Variants in TENM4 observed in about 807,000 individuals in gnomAD.
TENM4 encodes teneurin-4.
Under a neutral mutation model 243.3 loss-of-function variants are expected in TENM4, and 82 were observed. The observed-to-expected ratio is 0.34, with a 90% CI of 0.28 to 0.40. The LOEUF (loss-of-function observed/expected upper bound fraction) is 0.40, where lower values mean the gene tolerates loss of function less well. Ranked by LOEUF, TENM4 falls within the 10% of genes least tolerant of loss-of-function variation. TENM4 has a pLI of 1.00. For synonymous variants in TENM4, 1,412 were observed against 1,456.3 expected (o/e 0.97, Z 0.69); for missense variants, 3,138 against 3,673.3 (o/e 0.85, Z 3.77).
rs1855830098 is a variant in TENM4 at position 78,737,579 on chromosome 11, G to T, written c.2876+872C>A. Among the ~76,000 whole-genome samples the T allele has an allele frequency of 2.6e-5, 4 of 152,190 alleles. No individual in the cohort carries two copies. In the South Asian group the frequency reaches 8.3e-4, roughly 32 times the overall value. On this transcript the variant is annotated intron_variant, in intron 20 of 33. Transcript: ENST00000278550. Reference sequence around the variant, plus strand: ...AATCAACCTTATGGGCCCACGCTTAGCCAGATGGACTGCCACCACCTGGTT... The same window carrying T: ...AATCAACCTTATGGGCCCACGCTTATCCAGATGGACTGCCACCACCTGGTT...
intron 16 of TENM4, among the ~76,000 whole-genome samples, chr11:78,782,213 C>T (rs1591019498): frequency 6.6e-6 from 1 of 150,400 alleles, no homozygotes; most frequent in African/African-American, 2.5e-5. Flanking sequence ...AGTCCCAGCA[C>T]TTTGGGAGGC....
Position 78,669,394 on chromosome 11 carries a change from C to T in TENM4, c.6951G>A (p.Leu2317=). 1 of 1,613,512 alleles carries T rather than the reference C, an allele frequency of 6.2e-7. No individual in the cohort carries two copies. The highest frequency in any genetic ancestry group is 8.5e-7 in the Non-Finnish European group (1 of 1,179,664). Residue 2317 remains leucine, a synonymous_variant, in exon 32 of 34, where the codon CTG becomes CTA. Transcript: ENST00000278550. The surrounding 1 kb of genome is among the most constrained non-coding windows in gnomAD (Gnocchi z 6.4). ...GGTGGGTGACCTTGGTGGGGTTGGT[C>T]AGGTCTGCATAGAAGAACTGCAGGT... ...SHHLQFFYAD[L]TNPTKVTHLY... is the part of the protein sequence containing the mutation.
intron 17 of TENM4, among the ~76,000 whole-genome samples, chr11:78,772,353 G>A (rs1318034520): frequency 6.6e-6 from 1 of 152,008 alleles, no homozygotes; most frequent in African/African-American, 2.4e-5. Context: ...TAACAATCCT[G>A]CCAACCCCCT....
At chr11:79,177,861 T>A (rs748624903) in intron 3 of TENM4, among the ~76,000 whole-genome samples, 3 of 152,078 alleles carry the variant, frequency 2.0e-5, no homozygotes, top group Non-Finnish European at 2.9e-5. Flanking sequence ...CTGTGACAGA[T>A]GTGTAGAGCC....
At chr11:79,316,085 G>A (rs1291200701) in intron 1 of TENM4, among the ~76,000 whole-genome samples, 4 of 152,192 alleles carry the variant, frequency 2.6e-5, no homozygotes, top group East Asian at 3.9e-4. Flanking sequence ...TCTGAAAGGC[G>A]CTGCTTGTTT....
At chr11:78,977,414 C>T (rs1370418260) in intron 6 of TENM4, among the ~76,000 whole-genome samples, 2 of 152,212 alleles carry the variant, frequency 1.3e-5, no homozygotes, top group Non-Finnish European at 2.9e-5. Context: ...GTGGAACTTA[C>T]ACTATAAAAG....
chr11:78,674,641 G>A (rs1250002459), intron 30 of TENM4, among the ~76,000 whole-genome samples: 1 of 151,344 alleles, frequency 6.6e-6, no homozygotes, highest in African/African-American at 2.5e-5. Context: ...TGCCTCAGAG[G>A]CGCATGCAGG....
intron 4 of TENM4, among the ~76,000 whole-genome samples, chr11:79,132,345 CA>C (rs569082783): frequency 3.2e-4 from 16 of 49,954 alleles, no homozygotes; most frequent in South Asian, 1.7e-3. Context: ...GACTCCAACT[CA>C]AAAAAAAAAA....
rs1182041789 is a variant in TENM4 at position 78,775,542 on chromosome 11, T to A, written c.2392+3060A>T. ...GTTTCAGAGGGACTTTGAGTACCTG[T>A]GGGTGGAACAAGGTTTGCTTTCATC... On this transcript the variant is annotated intron_variant, in intron 17 of 33. Coordinates refer to ENST00000278550, the MANE Select transcript of TENM4 (RefSeq NM_001098816.3). 2.6e-5 allele frequency among the ~76,000 whole-genome samples: 4 copies of A among 152,228 alleles called. No homozygotes were observed. The East Asian group carries it at 7.7e-4, about 29-fold the overall frequency.
chr11:78,933,656 C>T (rs1271660789), intron 6 of TENM4, among the ~76,000 whole-genome samples: 1 of 152,148 alleles, frequency 6.6e-6, no homozygotes, highest in African/African-American at 2.4e-5. Flanking sequence ...CAGAAGCGTT[C>T]AGGAGGCCAA....
intron 6 of TENM4, among the ~76,000 whole-genome samples, chr11:79,040,807 AACT>A (rs1190349178): frequency 6.6e-6 from 1 of 152,106 alleles, no homozygotes; most frequent in Non-Finnish European, 1.5e-5. Context: ...TGTGGGTATA[AACT>A]ATAGGTGATC....
chr11:79,287,268 TG>T (rs1444068167), intron 2 of TENM4, among the ~76,000 whole-genome samples: 7 of 152,294 alleles, frequency 4.6e-5, no homozygotes, highest in East Asian at 1.9e-4. Flanking sequence ...TGAACATTCT[TG>T]GTTACATGCC....
At chr11:78,742,054 G>A (rs1855942969) in intron 19 of TENM4, among the ~76,000 whole-genome samples, 1 of 152,064 alleles carries the variant, frequency 6.6e-6, no homozygotes, top group African/African-American at 2.4e-5. Context: ...CTGACACAAT[G>A]AATCACCCCC....
rs776309270 is a variant in TENM4, at chr11:78,997,371, G to C, written c.493+67367C>G. Among the ~76,000 whole-genome samples, 21 of 152,300 alleles carry C rather than the reference G, an allele frequency of 1.4e-4. No homozygotes were observed. In the Middle Eastern group the frequency reaches 0.01, roughly 75 times the overall value. On this transcript the variant is annotated intron_variant, in intron 6 of 33. Coordinates refer to ENST00000278550, the MANE Select transcript of TENM4 (RefSeq NM_001098816.3). ...GGCACAGAAGATAATACTCTGATTT[G>C]AGGGTTTATGACTCTGAATCTTAAA...
intron 6 of TENM4, among the ~76,000 whole-genome samples, chr11:79,009,966 T>C (rs1457572717): frequency 6.6e-6 from 1 of 152,048 alleles, no homozygotes; most frequent in Non-Finnish European, 1.5e-5. Flanking sequence ...ATAAGTCTCA[T>C]GAGATCTGAC....
chr11:79,262,892 T>C (rs493077), intron 2 of TENM4, among the ~76,000 whole-genome samples: 76,516 of 152,074 alleles, frequency 0.5, 19,633 homozygotes, highest in Admixed American at 0.56. Context: ...ATAGAGGCAG[T>C]GCTTAATAAA....
chr11:79,040,972 G>T (rs932079177), intron 6 of TENM4, among the ~76,000 whole-genome samples: 1 of 152,102 alleles, frequency 6.6e-6, no homozygotes, highest in Admixed American at 6.5e-5. Context: ...CAGACCAAGG[G>T]TTAAGAAATG....
intron 1 of TENM4, among the ~76,000 whole-genome samples, chr11:79,421,682 G>A (rs1157034471): frequency 6.6e-6 from 1 of 150,524 alleles, no homozygotes; most frequent in Non-Finnish European, 1.5e-5. Flanking sequence ...AGGAAAATGT[G>A]TAATCTTCCC....
At position 78,985,544 on chromosome 11, in the gene TENM4, A is replaced by G. The variant is rs965844933; in HGVS notation, c.493+79194T>C. Among the ~76,000 whole-genome samples, 11 of 152,122 alleles carry G rather than the reference A, an allele frequency of 7.2e-5. No individual in the cohort carries two copies. The South Asian group carries it at 1.2e-3, about 17-fold the overall frequency. Reference sequence around the variant, plus strand: ...TATTACTGAGTTTGAGCATTTTTCTATGTTTACCAGATATTATAATATTTA... The same window carrying G: ...TATTACTGAGTTTGAGCATTTTTCTGTGTTTACCAGATATTATAATATTTA... On this transcript the variant is annotated intron_variant, in intron 6 of 33. Transcript: ENST00000278550.
Sources: gnomAD v4.1 joint callset for allele counts (sites outside exome capture counted in the v4.1 genomes callset) on GRCh38, gnomAD v4.1.1 for gene constraint, Gnocchi (gnomAD v3.1) non-coding constraint, MANE v1.5 for transcripts, NCBI Gene and HGNC (gene_info 2026-07-23, HGNC 2026-07-21) for gene names.